Variants in CHODL observed in about 807,000 individuals in gnomAD.
CHODL encodes chondrolectin, also known as transmembrane protein MT75.
In CHODL, 29 loss-of-function variants were observed where a neutral mutation model predicts 34.5. The ratio of observed to expected loss-of-function variants is 0.84; its 90% CI spans 0.63 to 1.15. The LOEUF is 1.15. Ranked by LOEUF, CHODL falls within the 50% of genes most tolerant of loss-of-function variation. The probability of loss-of-function intolerance (pLI) is 0.00; values close to 1 mark genes in which losing one functional copy is unlikely to be tolerated. For missense variants in CHODL, 332 were observed against 332.5 expected, an observed-to-expected ratio of 1.00 and a Z score of 0.01; for synonymous variants, 125 against 116.1, an observed-to-expected ratio of 1.08 and a Z score of -0.49.
chr21:18,001,054 C>G (rs1358649617), intron 1 of CHODL, among the ~76,000 whole-genome samples: 2 of 152,070 alleles, frequency 1.3e-5, no homozygotes, highest in African/African-American at 2.4e-5. Context: ...TACTCAGAGT[C>G]CAGGATAGGC....
In CHODL at chr21:18,001,463, A is replaced by C. The variant is rs138893919; in HGVS notation, c.-144-26409A>C. 2.3e-3 allele frequency among the ~76,000 whole-genome samples: 352 copies of C among 152,358 alleles called. 4 individuals are homozygous for C. Among genetic ancestry groups the C allele is most frequent in the African/African-American group, 8.2e-3 (340 of 41,574 alleles). On this transcript the variant is annotated intron_variant, in intron 1 of 6. Transcript: ENST00000400127. ...AAGGATGCCTTTCTTTTTGTTATAA[A>C]TACAGTGTAATGGCATGCCTCATTT...
intron 2 of CHODL, among the ~76,000 whole-genome samples, chr21:18,028,262 T>TCCC (rs1412108209): frequency 2.1e-4 from 12 of 57,074 alleles, no homozygotes; most frequent in African/African-American, 9.9e-4. Flanking sequence ...CCTTTTCTTT[T>TCCC]TCTTTTTCCT....
intron 2 of CHODL, among the ~76,000 whole-genome samples, chr21:18,070,410 G>T (rs1260703441): frequency 6.6e-6 from 1 of 151,732 alleles, no homozygotes; most frequent in Non-Finnish European, 1.5e-5. Flanking sequence ...AAATTCACCA[G>T]CAGTCCTTAG....
intron 2 of CHODL, among the ~76,000 whole-genome samples, chr21:18,233,352 C>A (rs2074000364): frequency 6.6e-6 from 1 of 152,022 alleles, no homozygotes; most frequent in African/African-American, 2.4e-5. Context: ...CAGCTGTCCA[C>A]CCTTTTGCTG....
At chr21:18,204,927 A>G (rs761601441) in intron 2 of CHODL, among the ~76,000 whole-genome samples, 8 of 152,212 alleles carry the variant, frequency 5.3e-5, no homozygotes, top group Non-Finnish European at 7.4e-5. Context: ...TAATTTTTAG[A>G]AAGAAAACTC....
intron 1 of CHODL, among the ~76,000 whole-genome samples, chr21:17,974,312 G>C (rs2063643632): frequency 6.6e-6 from 1 of 151,994 alleles, no homozygotes; most frequent in African/African-American, 2.4e-5. Context: ...TCACTCTGTT[G>C]CCCGGGCTGG....
At chr21:18,024,079 C>T (rs577136907) in intron 1 of CHODL, among the ~76,000 whole-genome samples, 1 of 152,292 alleles carries the variant, frequency 6.6e-6, no homozygotes, top group South Asian at 2.1e-4. Flanking sequence ...TTATTTCCTG[C>T]ATCTCCAACT....
intron 2 of CHODL, among the ~76,000 whole-genome samples, chr21:18,037,785 C>T (rs746488887): frequency 2.6e-5 from 4 of 151,670 alleles, no homozygotes; most frequent in Non-Finnish European, 4.4e-5. Context: ...AACATTAGAA[C>T]ACTTAGCAGC....
intron 2 of CHODL, among the ~76,000 whole-genome samples, chr21:18,183,231 A>G (rs1401492693): frequency 1.3e-5 from 2 of 152,204 alleles, no homozygotes; most frequent in Admixed American, 6.5e-5. Flanking sequence ...TTATATGCCT[A>G]TGTTTATATG....
intron 1 of CHODL, among the ~76,000 whole-genome samples, chr21:17,947,192 C>T (rs1359563686): frequency 6.6e-6 from 1 of 151,994 alleles, no homozygotes; most frequent in Non-Finnish European, 1.5e-5. Context: ...AACTAGATAT[C>T]AGTAATAGGA....
At chr21:18,052,955 A>G (rs948313439) in intron 2 of CHODL, among the ~76,000 whole-genome samples, 2 of 151,972 alleles carry the variant, frequency 1.3e-5, no homozygotes, top group Non-Finnish European at 2.9e-5. Flanking sequence ...GTTTTCAAAC[A>G]TTGAGGAAAT....
At chr21:17,958,602 C>CA (rs768582211) in intron 1 of CHODL, among the ~76,000 whole-genome samples, 9 of 152,080 alleles carry the variant, frequency 5.9e-5, no homozygotes, top group Non-Finnish European at 1.2e-4. Flanking sequence ...AACAGGCATC[C>CA]AGTGTTGGAA....
intron 1 of CHODL, among the ~76,000 whole-genome samples, chr21:18,006,395 A>G (rs2063961636): frequency 6.6e-6 from 1 of 151,884 alleles, no homozygotes; most frequent in Non-Finnish European, 1.5e-5. Flanking sequence ...TCCTTTCCTG[A>G]TCCTATCTTC....
chr21:17,960,948 C>T (rs1256403892), intron 1 of CHODL, among the ~76,000 whole-genome samples: 3 of 152,146 alleles, frequency 2.0e-5, no homozygotes, highest in African/African-American at 7.2e-5. Flanking sequence ...TAGTTCAGGT[C>T]TTCATCTTTT....
chr21:18,215,167 G>C (rs1430275753), intron 2 of CHODL, among the ~76,000 whole-genome samples: 2 of 150,818 alleles, frequency 1.3e-5, no homozygotes, highest in Non-Finnish European at 1.5e-5. Context: ...AAAAGGAAGA[G>C]AGAACTCAGG....
At chr21:18,112,458 G>A (rs1285164130) in intron 2 of CHODL, among the ~76,000 whole-genome samples, 2 of 151,682 alleles carry the variant, frequency 1.3e-5, no homozygotes, top group African/African-American at 4.8e-5. Context: ...AATAGCCAAA[G>A]CTATCCTGAG....
chr21:18,256,488 G>T, intron 1 of CHODL, 21 bp from the exon 2 acceptor site: 1 of 1,533,832 alleles, frequency 6.5e-7, no homozygotes, highest in South Asian at 1.2e-5. Context: ...CAATATATGG[G>T]CATCTTTTTT....
chr21:18,129,533 C>G (rs552750130), intron 2 of CHODL, among the ~76,000 whole-genome samples: 2 of 152,234 alleles, frequency 1.3e-5, no homozygotes, highest in Non-Finnish European at 2.9e-5. Flanking sequence ...GAATAATAGA[C>G]AGTGAGAGTT....
chr21:18,044,844 G>C (rs2064422144), intron 2 of CHODL, among the ~76,000 whole-genome samples: 1 of 151,866 alleles, frequency 6.6e-6, no homozygotes, highest in Non-Finnish European at 1.5e-5. Context: ...TCACAGAGTT[G>C]TAAGGGCTTA....
Sources: gnomAD v4.1 joint callset for allele counts (sites outside exome capture counted in the v4.1 genomes callset) on GRCh38, gnomAD v4.1.1 for gene constraint, MANE v1.5 for transcripts, NCBI Gene and HGNC (gene_info 2026-07-23, HGNC 2026-07-21) for gene names.